Variants in CD109 observed in about 807,000 individuals in gnomAD.
CD109 encodes the protein CD109 antigen.
A neutral mutation model predicts 165.8 loss-of-function variants in CD109; 149 were observed. That is an observed-to-expected ratio of 0.90 (90% CI 0.79 to 1.03). The LOEUF (loss-of-function observed/expected upper bound fraction) is 1.03. CD109 is among the 50% of genes least tolerant of loss of function. The pLI is 0.00. For missense variants in CD109, 1,712 were observed against 1,677.8 expected, an observed-to-expected ratio of 1.02 and a Z score of -0.36; for synonymous variants, 585 against 592.1, an observed-to-expected ratio of 0.99 and a Z score of 0.18.
intron 30 of CD109, among the ~76,000 whole-genome samples, chr6:73,815,633 C>T (rs1037879010): frequency 1.3e-5 from 2 of 152,120 alleles, no homozygotes; most frequent in African/African-American, 4.8e-5. Context: ...AGACACTTAA[C>T]AGCTGAAGCT....
chr6:73,740,569 T>C (rs892818210), intron 5 of CD109, among the ~76,000 whole-genome samples: 3 of 151,858 alleles, frequency 2.0e-5, no homozygotes, highest in African/African-American at 7.3e-5. Flanking sequence ...ATTATTTTGG[T>C]CTAGTATGAT....
At chr6:73,739,124 A>T (rs1772655625) in intron 5 of CD109, among the ~76,000 whole-genome samples, 2 of 152,206 alleles carry the variant, frequency 1.3e-5, no homozygotes, top group Admixed American at 1.3e-4. Flanking sequence ...TATAGCAATA[A>T]TTTGTCTTGA....
chr6:73,810,275 C>A (rs1303648445), intron 27 of CD109, 101 bp downstream of exon 27: 6 of 320,618 alleles, frequency 1.9e-5, no homozygotes, highest in Non-Finnish European at 3.0e-5. Flanking sequence ...TTATATAAAT[C>A]ATATGTTATA....
rs1280525940 is a variant in CD109, at chr6:73,808,219, A to G, written c.3326A>G (p.Asn1109Ser). 1 of 1,613,450 alleles carries G rather than the reference A, an allele frequency of 6.2e-7. No individual in the cohort carries two copies. The highest frequency in any genetic ancestry group is 1.1e-5 in the South Asian group (1 of 91,022). Reference sequence around the variant, plus strand: ...AGTCCTAAAGCGAAGGAAGCTTTGAATATGCTGACTTGGAGAGCAGAACAA... The same window carrying G: ...AGTCCTAAAGCGAAGGAAGCTTTGAGTATGCTGACTTGGAGAGCAGAACAA... ...VGSPKAKEAL[N>S]MLTWRAEQEG... The change falls in exon 26 of 33, where the codon AAT becomes AGT. Residue 1109 changes from asparagine to serine, a missense_variant. Asn to Ser is a conservative substitution (Grantham distance 46). Transcript: ENST00000287097.
At chr6:73,703,889 G>A (rs1471472355) in intron 2 of CD109, among the ~76,000 whole-genome samples, 6 of 152,250 alleles carry the variant, frequency 3.9e-5, no homozygotes, top group African/African-American at 1.4e-4. Context: ...ACATGGGTAA[G>A]AATCAAGAAT....
intron 22 of CD109, among the ~76,000 whole-genome samples, chr6:73,789,555 G>A (rs1050644287): frequency 1.3e-5 from 2 of 150,528 alleles, no homozygotes; most frequent in South Asian, 2.1e-4. Flanking sequence ...CCAGGTTCAC[G>A]CCATTCTCCT....
rs1317101939 is a variant in CD109 at position 73,823,723 on chromosome 6, TG to T, written c.*91del. 10 of 1,273,444 alleles carry T rather than the reference TG, an allele frequency of 7.9e-6. No individual in the cohort carries two copies. Among genetic ancestry groups the T allele is most frequent in the Non-Finnish European group, 1.1e-5 (10 of 922,956 alleles). 78.9% of individuals were successfully genotyped at this position (1,273,444 alleles called of 1,614,324 possible). A position where few individuals can be genotyped will look rare whatever the true frequency, so the allele number is the denominator to read the frequency against. On this transcript the variant is annotated 3_prime_UTR_variant, in exon 33 of 33. Transcript: ENST00000287097. ...TCGTAGAAGAATACTGCTTCTATTT[TG>T]AAAAAAGAGTTTTTTTTCTTTCTAT...
chr6:73,806,115 A>G (rs887481600), intron 24 of CD109, among the ~76,000 whole-genome samples: 7 of 152,222 alleles, frequency 4.6e-5, no homozygotes, highest in Non-Finnish European at 1.0e-4. Context: ...ACCAGCCCAA[A>G]TGTCCATCAA....
intron 16 of CD109, among the ~76,000 whole-genome samples, 190 bp downstream of exon 16, chr6:73,780,688 C>T (rs551444292): frequency 3.7e-4 from 56 of 150,500 alleles, no homozygotes; most frequent in Non-Finnish European, 5.3e-4. Context: ...GAACAATTCA[C>T]CATTGGAAAA....
chr6:73,693,493 G>C (rs1450837802), upstream of CD109, among the ~76,000 whole-genome samples: 2 of 152,190 alleles, frequency 1.3e-5, no homozygotes, highest in Non-Finnish European at 2.9e-5. Context: ...CATCAGCTTT[G>C]GGCGACAAAC....
At chr6:73,784,516 C>T (rs540472043) in intron 19 of CD109, among the ~76,000 whole-genome samples, 36 of 152,286 alleles carry the variant, frequency 2.4e-4, no homozygotes, top group African/African-American at 8.2e-4. Flanking sequence ...TGGGGCTGTC[C>T]TGAGTATTGC....
At chr6:73,797,925 C>T (rs1775222953) in intron 23 of CD109, among the ~76,000 whole-genome samples, 1 of 152,100 alleles carries the variant, frequency 6.6e-6, no homozygotes, top group Non-Finnish European at 1.5e-5. Flanking sequence ...TTTTCAAACT[C>T]AAGAGCCATT....
intron 7 of CD109, among the ~76,000 whole-genome samples, chr6:73,759,349 T>C (rs1773524494): frequency 6.6e-6 from 1 of 152,124 alleles, no homozygotes; most frequent in South Asian, 2.1e-4. Flanking sequence ...GCTAATTTTT[T>C]TTCCTTTATA....
At chr6:73,685,428 T>C in the CD109 span, among the ~76,000 whole-genome samples, 5 of 152,282 alleles carry the variant, frequency 3.3e-5, no homozygotes, top group African/African-American at 9.6e-5. Context: ...CTTTTGGTGT[T>C]ATATGCAAAA....
At chr6:73,702,519 A>T (rs1771121432) in intron 2 of CD109, among the ~76,000 whole-genome samples, 1 of 152,212 alleles carries the variant, frequency 6.6e-6, no homozygotes, top group Non-Finnish European at 1.5e-5. Flanking sequence ...TGTTAGAATT[A>T]TTTTTAAAGG....
chr6:73,791,718 A>T (rs1307026116), intron 22 of CD109, among the ~76,000 whole-genome samples: 1 of 152,192 alleles, frequency 6.6e-6, no homozygotes, highest in African/African-American at 2.4e-5. Context: ...TTCACTTTGA[A>T]TATTAAACAC....
chr6:73,818,910 C>A (rs1426126937), intron 31 of CD109, among the ~76,000 whole-genome samples: 2 of 152,228 alleles, frequency 1.3e-5, no homozygotes, highest in African/African-American at 4.8e-5. Flanking sequence ...TAGCTCACTG[C>A]AACCTCCAAC....
intron 31 of CD109, among the ~76,000 whole-genome samples, chr6:73,818,873 C>T (rs1582211144): frequency 6.6e-6 from 1 of 152,274 alleles, no homozygotes; most frequent in East Asian, 1.9e-4. Flanking sequence ...AGGGAGTTGC[C>T]TAGGCTGGAG....
At position 73,782,849 on chromosome 6, in the gene CD109, T is replaced by C; in HGVS notation, c.2105+94T>C. ...GCTTTCTAATGTTTAAGTACAAACA[T>C]AGTGTAACTAAGAACTAAGTAGACC... On this transcript the variant is annotated intron_variant, in intron 18 of 32. Coordinates refer to ENST00000287097, the MANE Select transcript of CD109 (RefSeq NM_133493.5). The C allele has an allele frequency of 4.1e-6, 5 of 1,205,862 alleles. No individual in the cohort carries two copies. In the South Asian group the frequency reaches 5.9e-5, roughly 14 times the overall value. The allele number at this position is 1,205,862 out of a possible 1,614,324, so 74.7% of individuals were successfully genotyped here. A position where few individuals can be genotyped will look rare whatever the true frequency, so the allele number is the denominator to read the frequency against.
Sources: gnomAD v4.1 joint callset for allele counts (sites outside exome capture counted in the v4.1 genomes callset) on GRCh38, gnomAD v4.1.1 for gene constraint, MANE v1.5 for transcripts, NCBI Gene and HGNC (gene_info 2026-07-23, HGNC 2026-07-21) for gene names.